Variants in STAU1 observed in about 807,000 individuals in gnomAD.
STAU1 encodes the protein staufen double-stranded RNA binding protein 1.
STAU1 carries 13 observed loss-of-function variants against 62.9 expected under a neutral mutation model. The observed-to-expected ratio is 0.21, with a 90% CI of 0.13 to 0.33. The LOEUF is 0.33. STAU1 is among the 10% of genes least tolerant of loss of function. The pLI is 1.00. For synonymous variants in STAU1, 269 were observed against 265.1 expected (o/e 1.01, Z -0.14); for missense variants, 571 against 712.1 (o/e 0.80, Z 2.25).
intron 2 of STAU1, among the ~76,000 whole-genome samples, chr20:49,168,804 T>C (rs933909092): frequency 6.6e-6 from 1 of 152,146 alleles, no homozygotes; most frequent in African/African-American, 2.4e-5. Context: ...TACTGATATT[T>C]AGTGGATAGA....
At chr20:49,184,585 G>A (rs1256372974) in intron 1 of STAU1, among the ~76,000 whole-genome samples, 2 of 152,180 alleles carry the variant, frequency 1.3e-5, no homozygotes, top group African/African-American at 4.8e-5. Context: ...AGGACCTGCT[G>A]TAATCTGTAT....
At chr20:49,136,792 G>C (rs1029288293) in intron 5 of STAU1, among the ~76,000 whole-genome samples, 1 of 152,108 alleles carries the variant, frequency 6.6e-6, no homozygotes, top group Non-Finnish European at 1.5e-5. Flanking sequence ...CCACCTCCCA[G>C]GTTCAAGCGA....
chr20:49,166,965 T>C (rs1449473313), intron 2 of STAU1, among the ~76,000 whole-genome samples: 3 of 152,092 alleles, frequency 2.0e-5, no homozygotes, highest in Non-Finnish European at 4.4e-5. Context: ...AAGACCATAC[T>C]AGAGAATTTA....
intron 5 of STAU1, among the ~76,000 whole-genome samples, chr20:49,148,850 C>T (rs2093181459): frequency 6.6e-6 from 1 of 152,256 alleles, no homozygotes; most frequent in Non-Finnish European, 1.5e-5. Flanking sequence ...ACTGTGATCA[C>T]TCTCATGGAG....
In STAU1 at chr20:49,141,092, A is replaced by C. The variant is rs557937145; in HGVS notation, c.511-5161T>G. 3.9e-5 allele frequency among the ~76,000 whole-genome samples: 6 copies of C among 152,258 alleles called. No homozygotes were observed. In the South Asian group the frequency reaches 1.2e-3, roughly 32 times the overall value. On this transcript the variant is annotated intron_variant, in intron 5 of 13. Coordinates refer to ENST00000371856, the MANE Select transcript of STAU1 (RefSeq NM_017453.4). ...TAAACTAGGTGCTCAGACTGTCGTA[A>C]GACTTTGAATGCCACGTACATGCCC...
At chr20:49,212,067 C>T in the STAU1 span, among the ~76,000 whole-genome samples, 1 of 152,160 alleles carries the variant, frequency 6.6e-6, no homozygotes, top group Non-Finnish European at 1.5e-5. Context: ...TGGCTCAGTG[C>T]AGCTTCAACC....
intron 1 of STAU1, among the ~76,000 whole-genome samples, chr20:49,185,695 C>T (rs2093778010): frequency 6.6e-6 from 1 of 152,064 alleles, no homozygotes; most frequent in Non-Finnish European, 1.5e-5. Context: ...ATTGTCAAAG[C>T]TAAGTGAGTG....
intron 1 of STAU1, among the ~76,000 whole-genome samples, chr20:49,176,793 T>C (rs1036027382): frequency 2.0e-5 from 3 of 152,094 alleles, no homozygotes; most frequent in Admixed American, 6.6e-5. Context: ...CTTTTACCAA[T>C]AGGGGCCTCA....
At chr20:49,214,082 C>T in the STAU1 span, among the ~76,000 whole-genome samples, 1 of 152,020 alleles carries the variant, frequency 6.6e-6, no homozygotes, top group Non-Finnish European at 1.5e-5. Flanking sequence ...CATGGTGATG[C>T]ACCCCTGTAA....
chr20:49,172,144 T>A (rs2093605009), intron 2 of STAU1, among the ~76,000 whole-genome samples: 1 of 152,216 alleles, frequency 6.6e-6, no homozygotes, highest in East Asian at 1.9e-4. Context: ...TGGAGGACTT[T>A]CTTTCCACAC....
At position 49,178,153 on chromosome 20, in the gene STAU1, G is replaced by T. The variant is rs1042285183; in HGVS notation, c.-159-3884C>A. Among the ~76,000 whole-genome samples, 3 of 152,018 alleles carry T rather than the reference G, an allele frequency of 2.0e-5. No homozygotes were observed. The East Asian group carries it at 5.8e-4, about 29-fold the overall frequency. On this transcript the variant is annotated intron_variant, in intron 1 of 13. Transcript: ENST00000371856. ...GAGTGCACCACTGCACTCCAGCCTA[G>T]GCAATGAAGCAAGACTCCATCTCAA...
At chr20:49,130,264 T>C (rs1480717893) in intron 6 of STAU1, among the ~76,000 whole-genome samples, 2 of 152,128 alleles carry the variant, frequency 1.3e-5, no homozygotes, top group Non-Finnish European at 2.9e-5. Flanking sequence ...GGCAACACTA[T>C]AGGGACAGAA....
chr20:49,173,077 C>T (rs1486122288), intron 2 of STAU1, among the ~76,000 whole-genome samples: 1 of 151,636 alleles, frequency 6.6e-6, no homozygotes, highest in Non-Finnish European at 1.5e-5. Context: ...ATCTCCTGAC[C>T]TCTTGATCCG....
At chr20:49,177,560 T>C (rs1156650831) in intron 1 of STAU1, among the ~76,000 whole-genome samples, 3 of 151,906 alleles carry the variant, frequency 2.0e-5, no homozygotes, top group African/African-American at 4.8e-5. Flanking sequence ...GCGCCTGTAG[T>C]CTCAGCTACT....
chr20:49,219,186 C>T, the STAU1 span: 4 of 636,874 alleles, frequency 6.3e-6, no homozygotes, highest in Non-Finnish European at 1.1e-5. Context: ...CTTCCACCCT[C>T]CTCAAATACT....
At chr20:49,150,100 A>G (rs1364510851) in intron 5 of STAU1, among the ~76,000 whole-genome samples, 1 of 152,218 alleles carries the variant, frequency 6.6e-6, no homozygotes, top group African/African-American at 2.4e-5. Context: ...TCTATCTGTG[A>G]TAAGATTCTG....
Position 49,186,293 on chromosome 20 carries a change from C to T in STAU1, c.-160+1823G>A, listed in dbSNP as rs577567881. On this transcript the variant is annotated intron_variant, in intron 1 of 13. Transcript: ENST00000371856. ...CCAGGGTGGCAGAGGTTGAAATGAG[C>T]CGAAATCGCGCCACTGCACTCCAGC... Among the ~76,000 whole-genome samples the T allele has an allele frequency of 1.7e-4, 26 of 151,756 alleles. 1 individual carries two copies. In the South Asian group the frequency reaches 4.6e-3, roughly 27 times the overall value.
At chr20:49,161,358 A>G (rs2093445391) in intron 3 of STAU1, among the ~76,000 whole-genome samples, 3 of 152,140 alleles carry the variant, frequency 2.0e-5, no homozygotes, top group South Asian at 2.1e-4. Context: ...AAAGCAACAC[A>G]TATTTTCTTT....
chr20:49,125,308 C>T (rs2092582745), intron 6 of STAU1, among the ~76,000 whole-genome samples: 1 of 147,914 alleles, frequency 6.8e-6, no homozygotes, highest in Admixed American at 6.8e-5. Context: ...GCGGGTGGAT[C>T]ACTTGAGGTC....
Sources: gnomAD v4.1 joint callset for allele counts (sites outside exome capture counted in the v4.1 genomes callset) on GRCh38, gnomAD v4.1.1 for gene constraint, MANE v1.5 for transcripts, NCBI Gene and HGNC (gene_info 2026-07-23, HGNC 2026-07-21) for gene names.